AJAP1: variants seen among roughly 807,000 people sequenced by gnomAD.
AJAP1 encodes adherens junctions associated protein 1.
AJAP1 carries 5 observed loss-of-function variants against 35.0 expected under a neutral mutation model. The ratio of observed to expected loss-of-function variants is 0.14; its 90% confidence interval spans 0.07 to 0.30. The LOEUF (loss-of-function observed/expected upper bound fraction) is 0.30. AJAP1 is among the 10% of genes least tolerant of loss of function. The probability of loss-of-function intolerance (pLI) is 1.00; values close to 1 mark genes in which losing one functional copy is unlikely to be tolerated. For synonymous variants in AJAP1, 284 were observed against 249.3 expected, an observed-to-expected ratio of 1.14 and a Z score of -1.31; for missense variants, 586 against 571.0, an observed-to-expected ratio of 1.03 and a Z score of -0.27.
At chr1:4,717,236 G>A (rs1434916171) in intron 2 of AJAP1, among the ~76,000 whole-genome samples, 1 of 152,246 alleles carries the variant, frequency 6.6e-6, no homozygotes, top group African/African-American at 2.4e-5. Context: ...TATGCCCACT[G>A]TGGGAATACC....
intron 1 of AJAP1, among the ~76,000 whole-genome samples, chr1:4,661,526 C>G (rs1638998828): frequency 1.3e-5 from 2 of 152,350 alleles, no homozygotes; most frequent in South Asian, 4.1e-4. Context: ...ACCCAGGTTT[C>G]CAGGACTCGA....
chr1:4,772,890 A>G (rs1037824225), intron 4 of AJAP1, among the ~76,000 whole-genome samples: 7 of 152,132 alleles, frequency 4.6e-5, no homozygotes, highest in Admixed American at 6.5e-5. Flanking sequence ...AGATCACAAC[A>G]GCCCCCCGAC....
At position 4,791,950 on chromosome 1, in the gene AJAP1, A is replaced by G. The variant is rs978094739; in HGVS notation, c.*9465A>G. 1 of 152,232 alleles carries G rather than the reference A, an allele frequency of 6.6e-6. No homozygotes were observed. Among genetic ancestry groups the G allele is most frequent in the Non-Finnish European group, 1.5e-5 (1 of 68,042 alleles). The allele number at this position is 152,232 out of a possible 1,614,324, so 9.4% of individuals were successfully genotyped here. A position where few individuals can be genotyped will look rare whatever the true frequency, so the allele number is the denominator to read the frequency against. ...CAAACCTGAAGCTGAACCACAGGAC[A>G]AGAAATTAAACAGCAACGGCCACAT... On this transcript the variant is annotated 3_prime_UTR_variant, in exon 6 of 6. Transcript: ENST00000378191.
At position 4,792,442 on chromosome 1, in the gene AJAP1, G is replaced by A. The variant is rs916439182; in HGVS notation, c.*9957G>A. 6.9e-6 allele frequency: 1 copy of A among 144,214 alleles called. No homozygotes were observed. The highest frequency in any genetic ancestry group is 2.6e-5 in the African/African-American group (1 of 38,724). 8.9% of individuals were successfully genotyped at this position (144,214 alleles called of 1,614,324 possible). ...CAAAGCTATGTATTTGGAAAACATT[G>A]TAAATGAAACACCTATATTAACTTT... On this transcript the variant is annotated 3_prime_UTR_variant, in exon 6 of 6. Transcript: ENST00000378191.
Position 4,790,496 on chromosome 1 carries a change from CAACTG to C in AJAP1, c.*8012_*8016del, listed in dbSNP as rs1257524130. ...TTAAGGGGCTGGAAGACAAGCGGGGCAACTGGTTTTGAAAAGCCCGCTGGCGTGCC... is the reference window on the plus strand; with the variant it reads ...TTAAGGGGCTGGAAGACAAGCGGGGCGTTTTGAAAAGCCCGCTGGCGTGCC... On this transcript the variant is annotated 3_prime_UTR_variant, in exon 6 of 6. Transcript: ENST00000378191. The C allele has an allele frequency of 7.2e-5, 11 of 152,308 alleles. No homozygotes were observed. The highest frequency in any genetic ancestry group is 2.2e-4 in the African/African-American group (9 of 41,574). 9.4% of individuals were successfully genotyped at this position (152,308 alleles called of 1,614,324 possible). A position where few individuals can be genotyped will look rare whatever the true frequency, so the allele number is the denominator to read the frequency against.
intron 2 of AJAP1, among the ~76,000 whole-genome samples, chr1:4,722,444 C>T (rs1204442213): frequency 6.6e-6 from 1 of 152,376 alleles, no homozygotes; most frequent in South Asian, 2.1e-4. Context: ...GCCGTTCACC[C>T]AGCTGGAGCC....
intron 2 of AJAP1, among the ~76,000 whole-genome samples, chr1:4,743,543 C>T (rs1557635971): frequency 6.6e-6 from 1 of 152,298 alleles, no homozygotes. Flanking sequence ...CGCGTTCATT[C>T]ATTCATCCAT....
At chr1:4,776,873 G>C (rs938417196) in intron 5 of AJAP1, among the ~76,000 whole-genome samples, 2 of 152,180 alleles carry the variant, frequency 1.3e-5, no homozygotes, top group Admixed American at 1.3e-4. Context: ...TAGGTCGTCC[G>C]CAGAGTTCAG....
In AJAP1 at chr1:4,693,436, G is replaced by A. The variant is rs538015881; in HGVS notation, c.30-18464G>A. ...CTAAGCAGGAGCAGGTAGGGCTTCT[G>A]GGCTAAGACTGAGCGTCCAAGCCTT... On this transcript the variant is annotated intron_variant, in intron 1 of 5. Coordinates refer to ENST00000378191, the MANE Select transcript of AJAP1 (RefSeq NM_018836.4). The surrounding 1 kb of genome is among the most constrained non-coding windows in gnomAD (Gnocchi z 4.4). Among the ~76,000 whole-genome samples the A allele has an allele frequency of 6.6e-6, 1 of 152,248 alleles. No individual in the cohort carries two copies. The highest frequency in any genetic ancestry group is 2.4e-5 in the African/African-American group (1 of 41,560).
intron 1 of AJAP1, among the ~76,000 whole-genome samples, chr1:4,690,843 A>G (rs1017726624): frequency 6.6e-6 from 1 of 152,150 alleles, no homozygotes; most frequent in Non-Finnish European, 1.5e-5. Flanking sequence ...AGGGGCGTCT[A>G]TGCCTGAGTC....
intron 1 of AJAP1, among the ~76,000 whole-genome samples, chr1:4,698,585 C>G (rs1639918501): frequency 6.6e-6 from 1 of 152,182 alleles, no homozygotes; most frequent in Non-Finnish European, 1.5e-5. Flanking sequence ...GTCATTGGCC[C>G]TCTCCCACCC....
At chr1:4,664,813 C>T (rs1050407995) in intron 1 of AJAP1, among the ~76,000 whole-genome samples, 9 of 152,066 alleles carry the variant, frequency 5.9e-5, no homozygotes, top group African/African-American at 9.7e-5. Context: ...TTCAATTTCC[C>T]GAATGGTTGC....
chr1:4,698,315 C>A (rs2100239679), intron 1 of AJAP1, among the ~76,000 whole-genome samples: 1 of 152,314 alleles, frequency 6.6e-6, no homozygotes, highest in East Asian at 1.9e-4. Context: ...TCTCAGGAGC[C>A]ACATGCTCCC....
intron 2 of AJAP1, among the ~76,000 whole-genome samples, chr1:4,743,116 G>C (rs147775070): frequency 1.3e-5 from 2 of 152,340 alleles, no homozygotes; most frequent in African/African-American, 2.4e-5. Flanking sequence ...TTACCCCTTG[G>C]TGGCTGCAGT....
chr1:4,747,982 A>C, intron 2 of AJAP1, among the ~76,000 whole-genome samples: 5 of 135,084 alleles, frequency 3.7e-5, no homozygotes, highest in Admixed American at 7.8e-5. Flanking sequence ...ACAGAGCCAG[A>C]CTCTGTCTCA....
At position 4,771,162 on chromosome 1, in the gene AJAP1, A is replaced by G. The variant is rs900348647; in HGVS notation, c.918-1118A>G. Among the ~76,000 whole-genome samples the G allele has an allele frequency of 7.2e-5, 11 of 152,202 alleles. No homozygotes were observed. The East Asian group carries it at 2.1e-3, about 29-fold the overall frequency. ...ACTCGAGCTTATAGCAGACCTTCAA[A>G]GAGCCCTTTGGGAGAACAGCCCGGG... On this transcript the variant is annotated intron_variant, in intron 3 of 5. Transcript: ENST00000378191.
At chr1:4,674,563 G>A (rs1639320619) in intron 1 of AJAP1, among the ~76,000 whole-genome samples, 1 of 152,208 alleles carries the variant, frequency 6.6e-6, no homozygotes, top group South Asian at 2.1e-4. Context: ...AAATACGGAG[G>A]GGGCTTTCAT....
At chr1:4,774,303 G>C in intron 4 of AJAP1, 124 bp from the exon 5 acceptor site, 1 of 843,512 alleles carries the variant, frequency 1.2e-6, no homozygotes, top group Non-Finnish European at 2.0e-6. Flanking sequence ...GGCAAGGCCA[G>C]GAGTCCACAT....
chr1:4,694,219 G>T (rs948220936), intron 1 of AJAP1, among the ~76,000 whole-genome samples: 15 of 152,204 alleles, frequency 9.9e-5, no homozygotes, highest in Non-Finnish European at 1.6e-4. Flanking sequence ...CCTTTGCCGG[G>T]GGGGGATGGC....
Sources: allele counts gnomAD v4.1 joint callset (sites outside exome capture counted in the v4.1 genomes callset), GRCh38; gene constraint gnomAD v4.1.1; non-coding constraint Gnocchi (gnomAD v3.1); transcripts MANE v1.5; gene names NCBI Gene and HGNC (gene_info 2026-07-23, HGNC 2026-07-21).